AGO3: variants seen among roughly 807,000 people sequenced by gnomAD.
AGO3 encodes protein argonaute-3.
Under a neutral mutation model 105.5 loss-of-function variants are expected in AGO3, and 16 were observed. The ratio of observed to expected loss-of-function variants is 0.15; its 90% CI spans 0.10 to 0.23. The LOEUF is 0.23. Ranked by LOEUF, AGO3 falls within the 10% of genes least tolerant of loss-of-function variation. The pLI, the probability that AGO3 is intolerant of heterozygous loss-of-function variation, is 1.00. For synonymous variants in AGO3, 340 were observed against 367.3 expected (o/e 0.93, Z 0.85); for missense variants, 534 against 1,088.0 (o/e 0.49, Z 7.16).
In AGO3 at chr1:36,067,466, T is replaced by A. The variant is rs1643109469; in HGVS notation, c.*11721T>A. The A allele has an allele frequency of 6.6e-6, 1 of 152,176 alleles. No homozygotes were observed. Among genetic ancestry groups the A allele is most frequent in the African/African-American group, 2.4e-5 (1 of 41,428 alleles). The allele number at this position is 152,176 out of a possible 1,614,324, so 9.4% of individuals were successfully genotyped here. The stretch of plus-strand genomic sequence containing the variant: ...GGCTCATGCCTGCAATCCCAGCACT[T>A]TGGGAGGCCAAGGCAGGTGGATCAC... On this transcript the variant is annotated 3_prime_UTR_variant, in exon 19 of 19. Transcript: ENST00000373191.
Position 36,014,438 on chromosome 1 carries a change from A to T in AGO3, c.1406+390A>T, listed in dbSNP as rs866686318. The stretch of plus-strand genomic sequence containing the variant: ...CCCCCAAGGTGCTGGGATTACAGGC[A>T]TGAGCCACTGTGCCCGGCCTAGTCA... On this transcript the variant is annotated intron_variant, in intron 11 of 18. Transcript: ENST00000373191. Among the ~76,000 whole-genome samples, 6 of 151,248 alleles carry T rather than the reference A, an allele frequency of 4.0e-5. No homozygotes were observed. The East Asian group carries it at 1.2e-3, about 31-fold the overall frequency.
intron 3 of AGO3, among the ~76,000 whole-genome samples, chr1:35,967,965 C>T (rs573018003): frequency 6.6e-5 from 10 of 152,108 alleles, no homozygotes; most frequent in Admixed American, 2.0e-4. Flanking sequence ...ATGACAGTAA[C>T]GTAGTTGAAG....
At chr1:35,965,505 A>G (rs1294858136) in intron 2 of AGO3, among the ~76,000 whole-genome samples, 9 of 151,112 alleles carry the variant, frequency 6.0e-5, no homozygotes, top group South Asian at 2.1e-4. Context: ...AAAAAAAAAA[A>G]AAAGAAAAAG....
intron 2 of AGO3, among the ~76,000 whole-genome samples, chr1:35,947,372 A>G (rs1171347693): frequency 6.6e-6 from 1 of 152,066 alleles, no homozygotes; most frequent in Non-Finnish European, 1.5e-5. Context: ...AAATGTTCCT[A>G]AAGTGAACAA....
chr1:36,055,916 T>A lies in AGO3; in HGVS notation c.*171T>A. The stretch of plus-strand genomic sequence containing the variant: ...AATACAAGGAAGATTGTTTACTTCA[T>A]CAAGGAACACAGCATCATTATGCAA... On this transcript the variant is annotated 3_prime_UTR_variant, in exon 19 of 19. Transcript: ENST00000373191. This position sits in a 1 kb window ranked among gnomAD's most constrained non-coding sequence, Gnocchi z 4.4. 1.7e-6 allele frequency: 1 copy of A among 589,494 alleles called. No individual in the cohort carries two copies. Among genetic ancestry groups the A allele is most frequent in the Non-Finnish European group, 3.0e-6 (1 of 338,748 alleles). 36.5% of individuals were successfully genotyped at this position (589,494 alleles called of 1,614,324 possible). A position where few individuals can be genotyped will look rare whatever the true frequency, so the allele number is the denominator to read the frequency against.
intron 11 of AGO3, among the ~76,000 whole-genome samples, chr1:36,024,215 C>T (rs1361970794): frequency 7.3e-5 from 11 of 150,474 alleles, no homozygotes; most frequent in Admixed American, 6.6e-4. Flanking sequence ...CACAACTCAC[C>T]GCAGCCTTAA....
chr1:36,039,980 G>A lies in AGO3; in HGVS notation c.2033G>A (p.Arg678Lys). The A allele has an allele frequency of 6.2e-6, 10 of 1,610,850 alleles. No individual in the cohort carries two copies. Among genetic ancestry groups the A allele is most frequent in the Non-Finnish European group, 7.6e-6 (9 of 1,178,398 alleles). Residue 678 changes from arginine to lysine, a missense_variant, in exon 15 of 19, where the codon AGG (arginine) becomes AAG (lysine). Arg to Lys is a conservative substitution (Grantham distance 26). Coordinates refer to ENST00000373191, the MANE Select transcript of AGO3 (RefSeq NM_024852.4). ...GATGGTGTTTCAGAGGGGCAGTTTAGGCAGGTTGGTTACCTAGAATCTCAT... is the reference window on the plus strand; with the variant it reads ...GATGGTGTTTCAGAGGGGCAGTTTAAGCAGGTTGGTTACCTAGAATCTCAT... ...YRDGVSEGQF[R>K]QVLYYELLAI...
chr1:36,046,631 A>AAAAAAAC (rs1642484560), intron 17 of AGO3, among the ~76,000 whole-genome samples: 1 of 133,370 alleles, frequency 7.5e-6, no homozygotes, highest in Non-Finnish European at 1.6e-5. Context: ...TTTAAAAAAA[A>AAAAAAAC]AAAAAAAAAA....
intron 1 of AGO3, among the ~76,000 whole-genome samples, chr1:35,934,726 C>T (rs1254814184): frequency 1.3e-5 from 2 of 152,120 alleles, no homozygotes; most frequent in Non-Finnish European, 2.9e-5. Flanking sequence ...TATTGGCTCA[C>T]TGCAGCCTCT....
chr1:35,989,478 A>G (rs1349276880), intron 5 of AGO3, among the ~76,000 whole-genome samples: 2 of 152,210 alleles, frequency 1.3e-5, no homozygotes, highest in South Asian at 2.1e-4. Flanking sequence ...CTTACCATCA[A>G]TGGCATCTTA....
intron 2 of AGO3, among the ~76,000 whole-genome samples, chr1:35,966,453 T>A (rs920233584): frequency 1.3e-5 from 2 of 152,210 alleles, no homozygotes; most frequent in Non-Finnish European, 2.9e-5. Flanking sequence ...ATATCCTTAC[T>A]AGCTAGGTAC....
chr1:36,028,745 C>T (rs535664065), intron 12 of AGO3, among the ~76,000 whole-genome samples: 2 of 151,304 alleles, frequency 1.3e-5, no homozygotes, highest in African/African-American at 4.9e-5. Flanking sequence ...ATTTATAGTC[C>T]TTTGGGTATA....
Position 36,013,626 on chromosome 1 carries a change from T to C in AGO3, c.1150-4T>C, listed in dbSNP as rs770234135. Reference sequence around the variant, plus strand: ...GAGTAACTACAAACTTTTTCTATTTTTAGGTAAGAAGTGCAAATTATGAAA... The same window carrying C: ...GAGTAACTACAAACTTTTTCTATTTCTAGGTAAGAAGTGCAAATTATGAAA... On this transcript the variant is annotated splice_polypyrimidine_tract_variant and splice_region_variant and intron_variant, in intron 9 of 18. Coordinates refer to ENST00000373191, the MANE Select transcript of AGO3 (RefSeq NM_024852.4). The C allele has an allele frequency of 1.2e-6, 2 of 1,612,928 alleles. No individual in the cohort carries two copies. The highest frequency in any genetic ancestry group is 3.3e-5 in the Admixed American group (2 of 59,920).
intron 17 of AGO3, among the ~76,000 whole-genome samples, chr1:36,049,908 T>C (rs1004793119): frequency 9.9e-5 from 15 of 152,184 alleles, no homozygotes; most frequent in Non-Finnish European, 2.1e-4. Context: ...CATCCAGATA[T>C]ATAATATAAA....
At chr1:35,965,820 C>CTTTTT (rs925988577) in intron 2 of AGO3, among the ~76,000 whole-genome samples, 5 of 120,170 alleles carry the variant, frequency 4.2e-5, no homozygotes, top group Admixed American at 8.5e-5. Flanking sequence ...TTGAATCTCT[C>CTTTTT]TTTTTTTTTT....
intron 17 of AGO3, among the ~76,000 whole-genome samples, chr1:36,045,643 A>G (rs1642436811): frequency 6.6e-6 from 1 of 151,988 alleles, no homozygotes; most frequent in Admixed American, 6.6e-5. Flanking sequence ...CCCAGGTTCA[A>G]GCGATTCTTC....
chr1:36,013,089 A>T (rs1417434490), intron 9 of AGO3, among the ~76,000 whole-genome samples: 2 of 151,986 alleles, frequency 1.3e-5, no homozygotes, highest in African/African-American at 2.4e-5. Context: ...GGCACACAGC[A>T]CCACACCTGG....
At chr1:35,973,010 T>A (rs1646896521) in intron 4 of AGO3, among the ~76,000 whole-genome samples, 1 of 151,726 alleles carries the variant, frequency 6.6e-6, no homozygotes, top group Non-Finnish European at 1.5e-5. Context: ...TATGTTTTTT[T>A]TTAAAGAAAA....
rs763128937 is a variant in AGO3 at position 36,008,883 on chromosome 1, T to C, written c.882-14T>C. 6.2e-7 allele frequency: 1 copy of C among 1,613,598 alleles called. No individual in the cohort carries two copies. The highest frequency in any genetic ancestry group is 1.7e-5 in the Admixed American group (1 of 59,940). On this transcript the variant is annotated splice_polypyrimidine_tract_variant and intron_variant, in intron 7 of 18. Coordinates refer to ENST00000373191, the MANE Select transcript of AGO3 (RefSeq NM_024852.4). This position sits in a 1 kb window ranked among gnomAD's most constrained non-coding sequence, Gnocchi z 5.1. ...ATGGGCAAGAATTGTTCATGTGTAC[T>C]TTTTTTTCCTCAGCTTTCCTTTACA...
Sources: gnomAD v4.1 joint callset for allele counts (sites outside exome capture counted in the v4.1 genomes callset) on GRCh38, gnomAD v4.1.1 for gene constraint, Gnocchi (gnomAD v3.1) non-coding constraint, MANE v1.5 for transcripts, NCBI Gene and HGNC (gene_info 2026-07-23, HGNC 2026-07-21) for gene names.